PCDHA1: variants seen among roughly 807,000 people sequenced by gnomAD.
The protein encoded by PCDHA1 is protocadherin alpha-1.
Under a neutral mutation model 61.3 loss-of-function variants are expected in PCDHA1, and 42 were observed. The ratio of observed to expected loss-of-function variants is 0.69; its 90% CI spans 0.54 to 0.89. The LOEUF (loss-of-function observed/expected upper bound fraction) is 0.89, where lower values mean the gene tolerates loss of function less well. Among genes scored for constraint, PCDHA1 ranks in the 40% least tolerant of loss-of-function variants. The pLI is 0.00. For missense variants in PCDHA1, 1,256 were observed against 1,235.3 expected (o/e 1.02, Z -0.25); for synonymous variants, 610 against 553.8 (o/e 1.10, Z -1.43).
intron 3 of PCDHA1, among the ~76,000 whole-genome samples, chr5:140,997,279 A>G (rs1386656925): frequency 6.6e-6 from 1 of 152,166 alleles, no homozygotes; most frequent in Non-Finnish European, 1.5e-5. Flanking sequence ...TTCTTGCATC[A>G]CTTAACAATG....
At chr5:140,830,049 AC>A in intron 1 of PCDHA1, 1 of 1,613,626 alleles carries the variant, frequency 6.2e-7, no homozygotes, top group Non-Finnish European at 8.5e-7. Flanking sequence ...CTGGTGAAAG[AC>A]CACGGTGAGC....
chr5:140,826,207 A>T (rs1165318551), intron 1 of PCDHA1, among the ~76,000 whole-genome samples: 2 of 152,254 alleles, frequency 1.3e-5, no homozygotes, highest in Admixed American at 6.5e-5. Flanking sequence ...GTCACATTTT[A>T]AAAAATCAAG....
intron 3 of PCDHA1, among the ~76,000 whole-genome samples, chr5:140,988,079 G>A (rs1431334458): frequency 6.6e-6 from 1 of 152,188 alleles, no homozygotes; most frequent in Non-Finnish European, 1.5e-5. Flanking sequence ...TATTTCATGA[G>A]TGAGTGCAGC....
At position 140,787,191 on chromosome 5, in the gene PCDHA1, G is replaced by A. The variant is rs782695759; in HGVS notation, c.901G>A (p.Glu301Lys). ...ATTCAAAGTTGATTCCAGCTCAGGAGAAATTAGGTTAATTGATAAACTGGA... is the reference window on the plus strand; with the variant it reads ...ATTCAAAGTTGATTCCAGCTCAGGAAAAATTAGGTTAATTGATAAACTGGA... The part of the protein sequence containing the change: ...EKFKVDSSSG[E>K]IRLIDKLDYE... The change falls in exon 1 of 4, where the codon GAA becomes AAA. Residue 301 changes from glutamate to lysine, a missense_variant. By Grantham distance (56) the Glu-to-Lys change is moderately conservative (BLOSUM62 1). Coordinates refer to ENST00000504120, the MANE Select transcript of PCDHA1 (RefSeq NM_018900.4). The A allele has an allele frequency of 6.2e-7, 1 of 1,614,008 alleles. No individual in the cohort carries two copies. Among genetic ancestry groups the A allele is most frequent in the Non-Finnish European group, 8.5e-7 (1 of 1,179,948 alleles).
At chr5:140,996,596 C>T (rs1343501273) in intron 3 of PCDHA1, among the ~76,000 whole-genome samples, 1 of 152,156 alleles carries the variant, frequency 6.6e-6, no homozygotes, top group Non-Finnish European at 1.5e-5. Flanking sequence ...CCGCCTCCCC[C>T]CATTTTCATT....
intron 1 of PCDHA1, among the ~76,000 whole-genome samples, chr5:140,891,762 G>C (rs554912268): frequency 1.5e-3 from 234 of 152,268 alleles, no homozygotes; most frequent in African/African-American, 4.9e-3. Context: ...GTTGGGAGGT[G>C]GGGAATTTCA....
In PCDHA1 at chr5:140,883,629, C is replaced by T. The variant is rs1467301210; in HGVS notation, c.2394+94945C>T. ...GCCGACGTGAACGACAACGCGCCGGCGTTCGCGCAGCCCGAGTACACGGTG... is the reference window on the plus strand; with the variant it reads ...GCCGACGTGAACGACAACGCGCCGGTGTTCGCGCAGCCCGAGTACACGGTG... On this transcript the variant is annotated intron_variant, in intron 1 of 3. Transcript: ENST00000504120. 6.2e-7 allele frequency: 1 copy of T among 1,613,868 alleles called. No individual in the cohort carries two copies. Among genetic ancestry groups the T allele is most frequent in the African/African-American group, 1.3e-5 (1 of 74,936 alleles).
intron 1 of PCDHA1, chr5:140,967,882 C>T (rs1323816592): frequency 1.2e-6 from 2 of 1,614,108 alleles, no homozygotes. Context: ...ACCTGTATAG[C>T]CCAGTGCCTG....
chr5:140,809,099 G>A (rs782619886), intron 1 of PCDHA1: 5 of 1,613,982 alleles, frequency 3.1e-6, no homozygotes, highest in Non-Finnish European at 4.2e-6. Flanking sequence ...GCGTGCCCTG[G>A]ACGAAACGGA....
At chr5:140,890,854 T>C (rs1320462436) in intron 1 of PCDHA1, among the ~76,000 whole-genome samples, 1 of 152,232 alleles carries the variant, frequency 6.6e-6, no homozygotes, top group African/African-American at 2.4e-5. Context: ...TTTCTCTTCC[T>C]TACTTCTTGC....
At chr5:140,969,382 TC>T in intron 1 of PCDHA1, 1 of 1,597,954 alleles carries the variant, frequency 6.3e-7, no homozygotes, top group Non-Finnish European at 8.5e-7. Flanking sequence ...TTGTTACACA[TC>T]CCCCAATATC....
At chr5:140,806,367 A>C (rs1369952326) in intron 1 of PCDHA1, among the ~76,000 whole-genome samples, 3 of 152,242 alleles carry the variant, frequency 2.0e-5, no homozygotes, top group African/African-American at 7.2e-5. Context: ...TAAGAGTCAA[A>C]ATGAGAATAC....
chr5:140,972,661 T>C, intron 1 of PCDHA1, among the ~76,000 whole-genome samples: 1 of 48,668 alleles, frequency 2.1e-5, no homozygotes, highest in South Asian at 6.9e-4. Flanking sequence ...AGAAACCAAA[T>C]TTTTTTTTTT....
chr5:140,968,955 A>G, intron 1 of PCDHA1: 2 of 1,614,220 alleles, frequency 1.2e-6, no homozygotes, highest in Non-Finnish European at 1.7e-6. Flanking sequence ...AGCATCATCA[A>G]GTGCTACCGC....
At chr5:140,961,997 C>T (rs1160116142) in intron 1 of PCDHA1, among the ~76,000 whole-genome samples, 1 of 152,080 alleles carries the variant, frequency 6.6e-6, no homozygotes, top group South Asian at 2.1e-4. Context: ...CATTGTCCTG[C>T]CTCAGCTTCC....
At chr5:140,999,526 C>G (rs1429753507) in intron 3 of PCDHA1, among the ~76,000 whole-genome samples, 1 of 152,026 alleles carries the variant, frequency 6.6e-6, no homozygotes, top group Non-Finnish European at 1.5e-5. Context: ...TTTGTTACCC[C>G]CTGGATATGA....
chr5:140,801,961 C>T (rs782400821), intron 1 of PCDHA1: 2 of 1,614,210 alleles, frequency 1.2e-6, no homozygotes, highest in South Asian at 2.2e-5. Context: ...CTCGAAAATG[C>T]ACCAAATGGT....
At position 140,982,360 on chromosome 5, in the gene PCDHA1, A is replaced by G. The variant is rs1016027722; in HGVS notation, c.2454-115A>G. 59 of 1,527,040 alleles carry G rather than the reference A, an allele frequency of 3.9e-5. No individual in the cohort carries two copies. In the Admixed American group the frequency reaches 8.5e-4, roughly 22 times the overall value. 94.6% of individuals were successfully genotyped at this position (1,527,040 alleles called of 1,614,324 possible). ...TAATTGCTTCAGTTCAAGCATGAGC[A>G]GAATGTGTTAGCTGCAGCCCTGGCT... On this transcript the variant is annotated intron_variant, in intron 2 of 3. Coordinates refer to ENST00000504120, the MANE Select transcript of PCDHA1 (RefSeq NM_018900.4).
chr5:140,880,836 A>G (rs1228476405), intron 1 of PCDHA1, among the ~76,000 whole-genome samples: 1 of 152,218 alleles, frequency 6.6e-6, no homozygotes, highest in Non-Finnish European at 1.5e-5. Context: ...GCATATTTTA[A>G]ATGGTTGACT....
Sources: allele counts gnomAD v4.1 joint callset (sites outside exome capture counted in the v4.1 genomes callset), GRCh38; gene constraint gnomAD v4.1.1; transcripts MANE v1.5; gene names NCBI Gene and HGNC (gene_info 2026-07-23, HGNC 2026-07-21).